The following TRIT1 variants were observed in gnomAD, a reference collection of about 807,000 sequenced individuals.
TRIT1 encodes tRNA isopentenyltransferase 1.
A neutral mutation model predicts 51.2 loss-of-function variants in TRIT1; 43 were observed. The observed-to-expected ratio is 0.84, with a 90% CI of 0.66 to 1.08. TRIT1 has a LOEUF of 1.08. Ranked by LOEUF, TRIT1 falls within the 50% of genes least tolerant of loss-of-function variation. The pLI, the probability that TRIT1 is intolerant of heterozygous loss-of-function variation, is 0.00. For synonymous variants in TRIT1, 184 were observed against 203.9 expected (o/e 0.90, Z 0.83); for missense variants, 528 against 578.4 (o/e 0.91, Z 0.89).
chr1:39,852,682 G>A, intron 4 of TRIT1, 49 bp downstream of exon 4: 1 of 1,590,462 alleles, frequency 6.3e-7, no homozygotes, highest in Non-Finnish European at 8.5e-7. Context: ...AGAACTGACT[G>A]CTCTCTAGTT....
At position 39,851,123 on chromosome 1, in the gene TRIT1, C is replaced by T. The variant is rs144235940; in HGVS notation, c.561-862G>A. Among the ~76,000 whole-genome samples, 447 of 152,192 alleles carry T rather than the reference C, an allele frequency of 2.9e-3. 1 individual carries two copies. Among genetic ancestry groups the T allele is most frequent in the African/African-American group, 0.01 (417 of 41,518 alleles). On this transcript the variant is annotated intron_variant, in intron 4 of 10. Coordinates refer to ENST00000316891, the MANE Select transcript of TRIT1 (RefSeq NM_017646.6). ...AACCCTAACGCAAGAGTGTAGACCC[C>T]CTTGTCTTTCAGTATCACTGGTTTC... is the stretch of plus-strand genomic sequence containing the variant.
chr1:39,877,845 T>C (rs1206515651), intron 1 of TRIT1, among the ~76,000 whole-genome samples: 1 of 152,230 alleles, frequency 6.6e-6, no homozygotes, highest in Admixed American at 6.5e-5. Flanking sequence ...TTTAATCTTC[T>C]GTAGCTCCAG....
At chr1:39,880,268 T>TTAA (rs1553148796) in intron 1 of TRIT1, among the ~76,000 whole-genome samples, 4 of 94,880 alleles carry the variant, frequency 4.2e-5, no homozygotes, top group East Asian at 6.4e-4. Context: ...AGACCTCAAA[T>TTAA]AAAAAAAAAA....
chr1:39,871,319 G>A (rs535572290), intron 1 of TRIT1, among the ~76,000 whole-genome samples: 1 of 152,344 alleles, frequency 6.6e-6, no homozygotes, highest in South Asian at 2.1e-4. Context: ...CTGGCCAGGT[G>A]CAGTGGCTCA....
At chr1:39,852,156 C>A (rs1238838345) in intron 4 of TRIT1, among the ~76,000 whole-genome samples, 1 of 152,072 alleles carries the variant, frequency 6.6e-6, no homozygotes, top group African/African-American at 2.4e-5. Context: ...AGATGTTCTA[C>A]TATGCTGGAA....
intron 8 of TRIT1, among the ~76,000 whole-genome samples, chr1:39,845,322 C>T (rs1642162964): frequency 6.6e-6 from 1 of 152,144 alleles, no homozygotes; most frequent in Non-Finnish European, 1.5e-5. Flanking sequence ...GGTATTTCAC[C>T]CACCTGAGCC....
intron 1 of TRIT1, among the ~76,000 whole-genome samples, chr1:39,868,761 A>C (rs757402430): frequency 2.2e-4 from 33 of 151,968 alleles, no homozygotes; most frequent in Non-Finnish European, 4.3e-4. Flanking sequence ...TAAGGATATG[A>C]AAAGAAGCTC....
chr1:39,851,948 T>TAA (rs34860273), intron 4 of TRIT1, among the ~76,000 whole-genome samples: 37 of 126,352 alleles, frequency 2.9e-4, no homozygotes, highest in East Asian at 1.3e-3. Flanking sequence ...CTCTATCTCT[T>TAA]AAAAAAAAAA....
At chr1:39,871,274 AT>A in intron 1 of TRIT1, among the ~76,000 whole-genome samples, 1 of 152,328 alleles carries the variant, frequency 6.6e-6, no homozygotes, top group East Asian at 1.9e-4. Flanking sequence ...CATTGGACGC[AT>A]GCAACAACAT....
At chr1:39,857,214 CTT>C (rs1642951775) in intron 2 of TRIT1, 61 bp downstream of exon 2, 2 of 1,516,480 alleles carry the variant, frequency 1.3e-6, no homozygotes, top group African/African-American at 2.8e-5. Flanking sequence ...AGAAAGAAAA[CTT>C]CTCTCTTGGC....
Position 39,852,831 on chromosome 1 carries a change from G to C in TRIT1, c.460C>G (p.Leu154Val), listed in dbSNP as rs1338302388. ...TEKVIDRKVE[L>V]EKEDGLVLHK... ...AGTACAAGACCATCCTCCTTTTCAAGCTCCACTTTTCGGTCAATCACTTTC... is the reference window on the plus strand; with the variant it reads ...AGTACAAGACCATCCTCCTTTTCAACCTCCACTTTTCGGTCAATCACTTTC... Residue 154 changes from leucine (L) to valine (V), a missense_variant, in exon 4 of 11, where the codon CTT (leucine) becomes GTT (valine). Transcript: ENST00000316891. 6.2e-7 allele frequency: 1 copy of C among 1,614,174 alleles called. No homozygotes were observed. Among genetic ancestry groups the C allele is most frequent in the Non-Finnish European group, 8.5e-7 (1 of 1,180,024 alleles).
chr1:39,858,514 G>C, intron 1 of TRIT1, among the ~76,000 whole-genome samples: 1 of 152,106 alleles, frequency 6.6e-6, no homozygotes, highest in Non-Finnish European at 1.5e-5. Flanking sequence ...CTTAGTTTTT[G>C]CCTGGCACAT....
At chr1:39,864,554 A>G (rs1242928247) in intron 1 of TRIT1, among the ~76,000 whole-genome samples, 1 of 147,878 alleles carries the variant, frequency 6.8e-6, no homozygotes, top group African/African-American at 2.5e-5. Flanking sequence ...GCTTGCAGTG[A>G]GCCAAGATTG....
chr1:39,857,577 C>T lies in TRIT1; in HGVS notation c.175-160G>A, dbSNP rs543750801. Among the ~76,000 whole-genome samples, 184 of 152,236 alleles carry T rather than the reference C, an allele frequency of 1.2e-3. No individual in the cohort carries two copies. The highest frequency in any genetic ancestry group is 1.9e-3 in the Admixed American group (29 of 15,284). On this transcript the variant is annotated intron_variant, in intron 1 of 10. Coordinates refer to ENST00000316891, the MANE Select transcript of TRIT1 (RefSeq NM_017646.6). ...CTAACAAACAGCACAGCCAGATCCA[C>T]GAAACCCAAAACAAAGAAAGAAGAA...
chr1:39,851,358 G>A (rs1642558154), intron 4 of TRIT1, among the ~76,000 whole-genome samples: 1 of 152,108 alleles, frequency 6.6e-6, no homozygotes, highest in South Asian at 2.1e-4. Flanking sequence ...AATGAGAAGT[G>A]ATAAGAAAGA....
Position 39,844,331 on chromosome 1 carries a change from A to G in TRIT1, c.1117-113T>C, listed in dbSNP as rs544738708. 19 of 946,012 alleles carry G rather than the reference A, an allele frequency of 2.0e-5. No homozygotes were observed. In the African/African-American group the frequency reaches 2.6e-4, roughly 13 times the overall value. The allele number at this position is 946,012 out of a possible 1,614,324, so 58.6% of individuals were successfully genotyped here. A position where few individuals can be genotyped will look rare whatever the true frequency, so the allele number is the denominator to read the frequency against. Reference sequence around the variant, plus strand: ...TCCTTTTTCTCAACCCAGAGAGCAGATGGGCTGTATACAGATTTTAGCAAC... The same window carrying G: ...TCCTTTTTCTCAACCCAGAGAGCAGGTGGGCTGTATACAGATTTTAGCAAC... On this transcript the variant is annotated intron_variant, in intron 9 of 10. Coordinates refer to ENST00000316891, the MANE Select transcript of TRIT1 (RefSeq NM_017646.6).
rs552997358 is a variant in TRIT1, at chr1:39,878,680, G to A, written c.174+4638C>T. Reference sequence around the variant, plus strand: ...TTTCTATTTGGTCACCCTTTGGTGTGTTACAACAAAGAAGTTTACTGTTCT... The same window carrying A: ...TTTCTATTTGGTCACCCTTTGGTGTATTACAACAAAGAAGTTTACTGTTCT... On this transcript the variant is annotated intron_variant, in intron 1 of 10. Coordinates refer to ENST00000316891, the MANE Select transcript of TRIT1 (RefSeq NM_017646.6). 2.0e-5 allele frequency among the ~76,000 whole-genome samples: 3 copies of A among 152,274 alleles called. No homozygotes were observed. In the South Asian group the frequency reaches 6.2e-4, roughly 32 times the overall value.
intron 5 of TRIT1, among the ~76,000 whole-genome samples, chr1:39,848,488 C>G (rs2124590870): frequency 6.6e-6 from 1 of 151,412 alleles, no homozygotes; most frequent in South Asian, 2.1e-4. Context: ...TTAAGAACCC[C>G]TAGATGACAC....
intron 1 of TRIT1, among the ~76,000 whole-genome samples, chr1:39,874,752 G>A (rs1273442175): frequency 6.6e-6 from 1 of 151,188 alleles, no homozygotes; most frequent in African/African-American, 2.4e-5. Context: ...TGCAACCTCC[G>A]CCTCCTGGGT....
Sources: gnomAD v4.1 joint callset for allele counts (sites outside exome capture counted in the v4.1 genomes callset) on GRCh38, gnomAD v4.1.1 for gene constraint, MANE v1.5 for transcripts, NCBI Gene and HGNC (gene_info 2026-07-23, HGNC 2026-07-21) for gene names.